Variants in GALNT13 observed in about 807,000 individuals in gnomAD.
GALNT13 encodes UDP-GalNAc:polypeptide N-acetylgalactosaminyltransferase 13.
In GALNT13, 28 loss-of-function variants were observed where a neutral mutation model predicts 64.2. The ratio of observed to expected loss-of-function variants is 0.44; its 90% CI spans 0.32 to 0.60. The LOEUF (loss-of-function observed/expected upper bound fraction) is 0.60, where lower values mean the gene tolerates loss of function less well. Ranked by LOEUF, GALNT13 falls within the 20% of genes least tolerant of loss-of-function variation. The probability of loss-of-function intolerance (pLI) is 0.05; values close to 1 mark genes in which losing one functional copy is unlikely to be tolerated. For missense variants in GALNT13, 577 were observed against 669.8 expected (o/e 0.86, Z 1.53); for synonymous variants, 214 against 224.6 (o/e 0.95, Z 0.42).
the GALNT13 span, among the ~76,000 whole-genome samples, chr2:153,772,277 C>T: frequency 3.3e-5 from 5 of 152,226 alleles, no homozygotes; most frequent in Admixed American, 3.3e-4. Context: ...TTCCTCCTCT[C>T]AGTTCTGGGC....
intron 1 of GALNT13, among the ~76,000 whole-genome samples, chr2:153,893,758 C>T (rs868142481): frequency 6.6e-6 from 1 of 151,878 alleles, no homozygotes. Context: ...CTTAGTTGAT[C>T]CCTAATTGTT....
the GALNT13 span, among the ~76,000 whole-genome samples, chr2:153,436,485 A>G: frequency 6.6e-6 from 1 of 151,982 alleles, no homozygotes; most frequent in Non-Finnish European, 1.5e-5. Context: ...GTAAGCTATT[A>G]ATTATTGCCT....
chr2:153,854,535 C>A, the GALNT13 span, among the ~76,000 whole-genome samples: 1 of 151,844 alleles, frequency 6.6e-6, no homozygotes, highest in Non-Finnish European at 1.5e-5. Flanking sequence ...GAGCTGAGAT[C>A]GCACCATTGC....
rs16835521 is a variant in GALNT13 at position 153,978,333 on chromosome 2, T to G, written c.142+33694T>G. On this transcript the variant is annotated intron_variant, in intron 3 of 12. Transcript: ENST00000392825. Reference sequence around the variant, plus strand: ...CTTGAATCATCATCTCTACTTGCATTCAGCCTGGGTATGAATTTTTGCTTT... The same window carrying G: ...CTTGAATCATCATCTCTACTTGCATGCAGCCTGGGTATGAATTTTTGCTTT... Among the ~76,000 whole-genome samples, 1,451 of 152,314 alleles carry G rather than the reference T, an allele frequency of 9.5e-3. 21 individuals carry two copies. Among genetic ancestry groups the G allele is most frequent in the African/African-American group, 0.033 (1,373 of 41,560 alleles).
chr2:153,987,099 T>C (rs1386553416), intron 3 of GALNT13, among the ~76,000 whole-genome samples: 3 of 151,864 alleles, frequency 2.0e-5, no homozygotes, highest in Non-Finnish European at 2.9e-5. Flanking sequence ...AGAGTTGATA[T>C]CCATTTATAC....
At chr2:154,065,377 C>T (rs1418353725) in intron 3 of GALNT13, among the ~76,000 whole-genome samples, 1 of 152,148 alleles carries the variant, frequency 6.6e-6, no homozygotes, top group African/African-American at 2.4e-5. Flanking sequence ...GGACCTTGAG[C>T]AAACATAGGT....
At chr2:154,290,652 G>A (rs1457244553) in intron 8 of GALNT13, among the ~76,000 whole-genome samples, 1 of 152,184 alleles carries the variant, frequency 6.6e-6, no homozygotes, top group African/African-American at 2.4e-5. Context: ...TGCTATAGCT[G>A]CTAGGAGGGC....
At chr2:153,931,986 C>T (rs116019074) in intron 2 of GALNT13, among the ~76,000 whole-genome samples, 1,738 of 152,166 alleles carry the variant, frequency 0.011, 26 homozygotes, top group African/African-American at 0.039. Flanking sequence ...TCCCTCTCAT[C>T]CAGGGCTTTA....
intron 3 of GALNT13, among the ~76,000 whole-genome samples, chr2:154,138,365 T>C (rs1049066105): frequency 2.0e-5 from 3 of 152,036 alleles, no homozygotes; most frequent in African/African-American, 7.2e-5. Context: ...ATAAAGAAGG[T>C]TTTGTTCCCC....
chr2:153,861,676 C>T, the GALNT13 span, among the ~76,000 whole-genome samples: 1 of 150,770 alleles, frequency 6.6e-6, no homozygotes, highest in African/African-American at 2.4e-5. Flanking sequence ...AAGCGATTCT[C>T]CTGCCTCAGC....
intron 3 of GALNT13, among the ~76,000 whole-genome samples, chr2:153,946,933 A>G (rs1691797057): frequency 6.6e-6 from 1 of 152,094 alleles, no homozygotes; most frequent in Admixed American, 6.6e-5. Flanking sequence ...ATTTGTAAGC[A>G]GATGATGCTG....
Position 154,408,903 on chromosome 2 carries a change from T to G in GALNT13, c.1297-81T>G. ...GTTGTATTATTCAGTTAACAATAGATAGTAACATGAGAAGGATTTGATGAC... is the reference window on the plus strand; with the variant it reads ...GTTGTATTATTCAGTTAACAATAGAGAGTAACATGAGAAGGATTTGATGAC... On this transcript the variant is annotated intron_variant, in intron 10 of 12. Transcript: ENST00000392825. 3 of 817,046 alleles carry G rather than the reference T, an allele frequency of 3.7e-6. No individual in the cohort carries two copies. The South Asian group carries it at 4.4e-5, about 12-fold the overall frequency. 50.6% of individuals were successfully genotyped at this position (817,046 alleles called of 1,614,324 possible).
the GALNT13 span, among the ~76,000 whole-genome samples, chr2:153,387,418 C>A: frequency 6.6e-6 from 1 of 152,074 alleles, no homozygotes. Flanking sequence ...TCCACTCCCC[C>A]ACTCAGGGTC....
intron 3 of GALNT13, among the ~76,000 whole-genome samples, chr2:154,113,874 G>T (rs1298502982): frequency 1.3e-5 from 2 of 152,232 alleles, no homozygotes; most frequent in Non-Finnish European, 2.9e-5. Flanking sequence ...CTTATGGACA[G>T]GAATGGAGAA....
At chr2:153,326,306 CTT>C in the GALNT13 span, among the ~76,000 whole-genome samples, 16,626 of 130,726 alleles carry the variant, frequency 0.13, 1,237 homozygotes, top group African/African-American at 0.23. Flanking sequence ...CAACTTTGGC[CTT>C]TTTTTTTTTT....
At chr2:153,403,520 C>A in the GALNT13 span, among the ~76,000 whole-genome samples, 1 of 152,204 alleles carries the variant, frequency 6.6e-6, no homozygotes, top group African/African-American at 2.4e-5. Context: ...GGCGCCCCTC[C>A]CCCAGCCTCC....
chr2:153,960,269 C>T (rs1345398651), intron 3 of GALNT13, among the ~76,000 whole-genome samples: 1 of 152,192 alleles, frequency 6.6e-6, no homozygotes, highest in Non-Finnish European at 1.5e-5. Context: ...CATTAATCAC[C>T]CACTGCCATC....
chr2:153,665,426 T>G, the GALNT13 span, among the ~76,000 whole-genome samples: 4 of 152,222 alleles, frequency 2.6e-5, no homozygotes, highest in African/African-American at 4.8e-5. Context: ...ATAGTTATAA[T>G]ATTTATTCCT....
chr2:153,172,636 G>T, the GALNT13 span, among the ~76,000 whole-genome samples: 4 of 152,100 alleles, frequency 2.6e-5, no homozygotes, highest in East Asian at 7.7e-4. Flanking sequence ...AGCCAGCAGG[G>T]TCACTAGTAC....
Sources: gnomAD v4.1 joint callset for allele counts (sites outside exome capture counted in the v4.1 genomes callset) on GRCh38, gnomAD v4.1.1 for gene constraint, MANE v1.5 for transcripts, NCBI Gene and HGNC (gene_info 2026-07-23, HGNC 2026-07-21) for gene names.